TMEM178B: variants seen among roughly 807,000 people sequenced by gnomAD.
TMEM178B encodes the protein transmembrane protein 178B.
A neutral mutation model predicts 31.0 loss-of-function variants in TMEM178B; 5 were observed. The ratio of observed to expected loss-of-function variants is 0.16; its 90% confidence interval spans 0.08 to 0.34. TMEM178B has a LOEUF of 0.34. Among genes scored for constraint, TMEM178B ranks in the 10% least tolerant of loss-of-function variants. The pLI, the probability that TMEM178B is intolerant of heterozygous loss-of-function variation, is 1.00. For missense variants in TMEM178B, 275 were observed against 400.3 expected, an observed-to-expected ratio of 0.69 and a Z score of 2.67; for synonymous variants, 164 against 164.0, an observed-to-expected ratio of 1.00 and a Z score of 0.00.
chr7:141,296,943 G>A (rs955232453), intron 2 of TMEM178B, among the ~76,000 whole-genome samples: 3 of 152,168 alleles, frequency 2.0e-5, no homozygotes, highest in Non-Finnish European at 4.4e-5. Flanking sequence ...TGTGTGCTTC[G>A]AGCTTGTTCT....
chr7:141,489,839 A>G, the TMEM178B span, among the ~76,000 whole-genome samples: 1 of 152,232 alleles, frequency 6.6e-6, no homozygotes, highest in Non-Finnish European at 1.5e-5. Context: ...TGTAAATAAC[A>G]TCCTCTAGAT....
At chr7:141,429,052 C>T (rs1801373204) in intron 2 of TMEM178B, among the ~76,000 whole-genome samples, 1 of 151,962 alleles carries the variant, frequency 6.6e-6, no homozygotes, top group Admixed American at 6.6e-5. Context: ...AAAGGGAACC[C>T]TTATACACTC....
At chr7:141,214,659 T>A (rs948034644) in intron 2 of TMEM178B, among the ~76,000 whole-genome samples, 1 of 152,164 alleles carries the variant, frequency 6.6e-6, no homozygotes, top group African/African-American at 2.4e-5. Flanking sequence ...TGGAAACATG[T>A]CACGAGGCAT....
At chr7:141,458,051 A>G (rs1801997240) in intron 3 of TMEM178B, among the ~76,000 whole-genome samples, 1 of 152,214 alleles carries the variant, frequency 6.6e-6, no homozygotes, top group South Asian at 2.1e-4. Flanking sequence ...GACAGTATCT[A>G]TTTGAGTCAT....
chr7:141,074,255 G>C lies in TMEM178B; in HGVS notation c.-56G>C. On this transcript the variant is annotated 5_prime_UTR_variant, in exon 1 of 4. Transcript: ENST00000565468. The surrounding 1 kb of genome is among the most constrained non-coding windows in gnomAD (Gnocchi z 5.1). ...CCCGCCGCTTTGTTCCGGGTGCGGC[G>C]AGGGAAGGCGAGGCTGCGGCGGATC... The C allele has an allele frequency of 6.9e-7, 1 of 1,452,120 alleles. No homozygotes were observed. Among genetic ancestry groups the C allele is most frequent in the Non-Finnish European group, 9.1e-7 (1 of 1,104,104 alleles). The allele number at this position is 1,452,120 out of a possible 1,614,324, so 90.0% of individuals were successfully genotyped here.
intron 1 of TMEM178B, among the ~76,000 whole-genome samples, chr7:141,090,118 T>A (rs1794857836): frequency 6.6e-6 from 1 of 152,196 alleles, no homozygotes; most frequent in Non-Finnish European, 1.5e-5. Flanking sequence ...CAGAGAAGCC[T>A]ACTGCCATTC....
At chr7:141,085,150 ATTTTTTT>A (rs61516388) in intron 1 of TMEM178B, among the ~76,000 whole-genome samples, 7 of 74,540 alleles carry the variant, frequency 9.4e-5, no homozygotes, top group African/African-American at 3.6e-4. Flanking sequence ...GCTAATTTGT[ATTTTTTT>A]TTTTTTTTTT....
intron 1 of TMEM178B, among the ~76,000 whole-genome samples, chr7:141,168,116 A>C (rs1374658467): frequency 6.6e-6 from 1 of 152,132 alleles, no homozygotes; most frequent in Non-Finnish European, 1.5e-5. Flanking sequence ...AGAGACCGGG[A>C]ATCTGAGTCC....
rs912110567 is a variant in TMEM178B, at chr7:141,473,471, C to G, written c.*2685C>G. The G allele has an allele frequency of 6.6e-6, 1 of 152,182 alleles. No individual in the cohort carries two copies. Among genetic ancestry groups the G allele is most frequent in the Non-Finnish European group, 1.5e-5 (1 of 68,032 alleles). The allele number at this position is 152,182 out of a possible 1,614,324, so 9.4% of individuals were successfully genotyped here. ...AAGTAATCATGTTTGAGGATGCTGG[C>G]TCACAGACCTATCATTATTTATATC... On this transcript the variant is annotated 3_prime_UTR_variant, in exon 4 of 4. Coordinates refer to ENST00000565468, the MANE Select transcript of TMEM178B (RefSeq NM_001195278.2).
intron 2 of TMEM178B, among the ~76,000 whole-genome samples, chr7:141,339,250 G>A (rs1799476069): frequency 6.6e-6 from 1 of 152,198 alleles, no homozygotes; most frequent in African/African-American, 2.4e-5. Flanking sequence ...GGTGGGGAGT[G>A]ATCGTTTCCA....
chr7:141,248,334 C>A (rs1171134853), intron 2 of TMEM178B, among the ~76,000 whole-genome samples: 1 of 152,168 alleles, frequency 6.6e-6, no homozygotes, highest in Admixed American at 6.5e-5. Context: ...TCGCTTGAAC[C>A]TGGGAGGCGG....
Position 141,399,670 on chromosome 7 carries a change from A to G in TMEM178B, c.497-37938A>G, listed in dbSNP as rs189653287. Among the ~76,000 whole-genome samples the G allele has an allele frequency of 4.6e-5, 7 of 152,310 alleles. No homozygotes were observed. In the East Asian group the frequency reaches 1.3e-3, roughly 29 times the overall value. Reference sequence around the variant, plus strand: ...TAAGCATGTGTCTTTGCATTTCTCCAAAGATGGTTTATGGGCATCATTTTG... The same window carrying G: ...TAAGCATGTGTCTTTGCATTTCTCCGAAGATGGTTTATGGGCATCATTTTG... On this transcript the variant is annotated intron_variant, in intron 2 of 3. Transcript: ENST00000565468.
At chr7:141,130,628 A>C (rs1795579494) in intron 1 of TMEM178B, among the ~76,000 whole-genome samples, 2 of 152,024 alleles carry the variant, frequency 1.3e-5, no homozygotes, top group African/African-American at 4.8e-5. Context: ...ACTTTTATGA[A>C]TATTTTTGTT....
chr7:141,091,988 A>G (rs1204957808), intron 1 of TMEM178B, among the ~76,000 whole-genome samples: 2 of 152,202 alleles, frequency 1.3e-5, no homozygotes, highest in Admixed American at 1.3e-4. Flanking sequence ...TCAGCCTCCC[A>G]AAGTGCTGGG....
chr7:141,334,019 G>T (rs1210444323), intron 2 of TMEM178B, among the ~76,000 whole-genome samples: 2 of 152,312 alleles, frequency 1.3e-5, no homozygotes, highest in Admixed American at 6.5e-5. Flanking sequence ...CTGCTCTAAG[G>T]GCCCAGGAAG....
At chr7:141,350,877 A>G (rs1283360397) in intron 2 of TMEM178B, among the ~76,000 whole-genome samples, 3 of 152,198 alleles carry the variant, frequency 2.0e-5, no homozygotes, top group Non-Finnish European at 2.9e-5. Context: ...GCAGCCCTTG[A>G]TCACTTAAAA....
At chr7:141,139,740 T>C (rs1200251587) in intron 1 of TMEM178B, among the ~76,000 whole-genome samples, 2 of 152,046 alleles carry the variant, frequency 1.3e-5, no homozygotes, top group African/African-American at 4.8e-5. Context: ...TAAACTCCTG[T>C]TACTTCTTGG....
At chr7:141,492,713 G>T in the TMEM178B span, among the ~76,000 whole-genome samples, 1 of 152,138 alleles carries the variant, frequency 6.6e-6, no homozygotes, top group Non-Finnish European at 1.5e-5. Context: ...GAAACAACGA[G>T]CACATCAACT....
chr7:141,273,108 T>C (rs1333909871), intron 2 of TMEM178B, among the ~76,000 whole-genome samples: 3 of 152,102 alleles, frequency 2.0e-5, no homozygotes, highest in Non-Finnish European at 2.9e-5. Flanking sequence ...ATATGCTAGG[T>C]AAAATAAGCC....
Sources: gnomAD v4.1 joint callset for allele counts (sites outside exome capture counted in the v4.1 genomes callset) on GRCh38, gnomAD v4.1.1 for gene constraint, Gnocchi (gnomAD v3.1) non-coding constraint, MANE v1.5 for transcripts, NCBI Gene and HGNC (gene_info 2026-07-23, HGNC 2026-07-21) for gene names.